The following MCEE variants were observed in gnomAD, a reference collection of about 807,000 sequenced individuals.
MCEE encodes methylmalonyl-CoA epimerase, also known as methylmalonyl-CoA epimerase, mitochondrial.
In MCEE, 6 loss-of-function variants were observed where a neutral mutation model predicts 12.9. The ratio of observed to expected loss-of-function variants is 0.47; its 90% CI spans 0.26 to 0.92. The LOEUF (loss-of-function observed/expected upper bound fraction) is 0.92, where lower values mean the gene tolerates loss of function less well. MCEE is among the 40% of genes least tolerant of loss of function. MCEE has a pLI of 0.16. For missense variants in MCEE, 214 were observed against 212.1 expected (o/e 1.01, Z -0.05); for synonymous variants, 78 against 77.9 (o/e 1.00, Z -0.01).
intron 2 of MCEE, chr2:71,117,734 C>CA (rs1673021086): frequency 6.7e-6 from 1 of 150,126 alleles, no homozygotes; most frequent in African/African-American, 2.5e-5. Flanking sequence ...TGCTTTTCCC[C>CA]AGCAGCCTGC....
intron 2 of MCEE, among the ~76,000 whole-genome samples, chr2:71,118,947 C>T (rs1342015961): frequency 2.0e-5 from 3 of 149,496 alleles, no homozygotes; most frequent in Non-Finnish European, 4.4e-5. Context: ...CTGGCTTCCC[C>T]GGGGCAGGCA....
intron 2 of MCEE, among the ~76,000 whole-genome samples, chr2:71,113,947 C>A (rs187823917): frequency 8.3e-4 from 126 of 152,178 alleles, no homozygotes; most frequent in African/African-American, 2.9e-3. Context: ...ATGGTCTTCC[C>A]AAAATCAATA....
chr2:71,111,955 G>A (rs1445803382), intron 2 of MCEE, among the ~76,000 whole-genome samples: 4 of 151,024 alleles, frequency 2.6e-5, no homozygotes, highest in African/African-American at 4.8e-5. Context: ...GTTTCAGGGA[G>A]GATAAACTGA....
intron 1 of MCEE, among the ~76,000 whole-genome samples, chr2:71,126,642 G>A (rs979325598): frequency 6.6e-6 from 1 of 150,800 alleles, no homozygotes; most frequent in South Asian, 2.1e-4. Flanking sequence ...CAAGCAAACT[G>A]GGTAGAGAAC....
chr2:71,110,089 T>TC lies in MCEE; in HGVS notation c.411dup (p.Lys138GlufsTer10). The TC allele has an allele frequency of 6.2e-7, 1 of 1,613,402 alleles. No homozygotes were observed. The highest frequency in any genetic ancestry group is 1.1e-5 in the South Asian group (1 of 91,054). ...CTTAGACTGCGGATCTTCTTTTTTT[T>TC]CAAATCCATCACAGCTGCATTAATA... On this transcript the variant is annotated frameshift_variant, in exon 3 of 3. Transcript: ENST00000244217. LOFTEE classifies it high-confidence loss of function.
At chr2:71,117,770 A>G (rs1221449147) in intron 2 of MCEE, among the ~76,000 whole-genome samples, 1 of 150,064 alleles carries the variant, frequency 6.7e-6, no homozygotes, top group East Asian at 1.9e-4. Context: ...ATTACCTTGA[A>G]ATCAAATCCA....
intron 2 of MCEE, among the ~76,000 whole-genome samples, chr2:71,114,175 T>C (rs1174572493): frequency 6.6e-6 from 1 of 151,776 alleles, no homozygotes; most frequent in Non-Finnish European, 1.5e-5. Flanking sequence ...CTAAATGTGA[T>C]GTGCTAGGGG....
intron 2 of MCEE, chr2:71,110,802 C>T (rs1369048874): frequency 2.0e-5 from 3 of 152,210 alleles, no homozygotes; most frequent in Admixed American, 2.0e-4. Flanking sequence ...TCTCTCTATA[C>T]TTGACGGAGA....
rs192296685 is a variant in MCEE, at chr2:71,124,556, A to C, written c.41-13T>G. On this transcript the variant is annotated splice_polypyrimidine_tract_variant and intron_variant, in intron 1 of 2. Coordinates refer to ENST00000244217, the MANE Select transcript of MCEE (RefSeq NM_032601.4). ...CTGGAAAAAAGCCCTGAAAAATTGA[A>C]CAGCCATTGATATCCTTCTTTTGAG... 6.9e-6 allele frequency: 11 copies of C among 1,599,436 alleles called. No homozygotes were observed. The highest frequency in any genetic ancestry group is 1.3e-5 in the African/African-American group (1 of 74,770).
intron 1 of MCEE, among the ~76,000 whole-genome samples, chr2:71,125,902 G>A (rs573425151): frequency 1.3e-5 from 2 of 152,126 alleles, no homozygotes; most frequent in Non-Finnish European, 2.9e-5. Flanking sequence ...GATTACAACC[G>A]AGTACACATA....
At chr2:71,114,694 G>A (rs1209824004) in intron 2 of MCEE, among the ~76,000 whole-genome samples, 1 of 152,128 alleles carries the variant, frequency 6.6e-6, no homozygotes, top group Non-Finnish European at 1.5e-5. Context: ...TTTGACTGAA[G>A]TGCCAGAAAA....
intron 2 of MCEE, among the ~76,000 whole-genome samples, chr2:71,113,858 A>G (rs59874231): frequency 0.02 from 3,100 of 152,288 alleles, 101 homozygotes; most frequent in African/African-American, 0.071. Flanking sequence ...TGGGAGATCA[A>G]GGTTAATATC....
At chr2:71,125,979 G>A (rs1673224416) in intron 1 of MCEE, among the ~76,000 whole-genome samples, 1 of 151,680 alleles carries the variant, frequency 6.6e-6, no homozygotes, top group East Asian at 2.0e-4. Flanking sequence ...CTCCTGAGTA[G>A]CTGGAACCAT....
At chr2:71,125,211 A>ATATATATATATATATTTTTT in intron 1 of MCEE, among the ~76,000 whole-genome samples, 8 of 48,596 alleles carry the variant, frequency 1.6e-4, no homozygotes, top group African/African-American at 3.6e-4. Flanking sequence ...ATATATATAT[A>ATATATATATATATATTTTTT]TTTTTTTTTT....
chr2:71,127,358 C>T lies in MCEE; in HGVS notation c.41-2815G>A, dbSNP rs1389911271. ...ACTTTTTAGACACTGTCCCTGAATA[C>T]ATAAAGGTTTAGCTGCAAGGATCTA... is the stretch of plus-strand genomic sequence containing the variant. On this transcript the variant is annotated intron_variant, in intron 1 of 2. Transcript: ENST00000244217. Among the ~76,000 whole-genome samples, 2 of 152,162 alleles carry T rather than the reference C, an allele frequency of 1.3e-5. 1 individual carries two copies. The highest frequency in any genetic ancestry group is 2.9e-5 in the Non-Finnish European group (2 of 68,028).
intron 2 of MCEE, among the ~76,000 whole-genome samples, chr2:71,121,996 T>C (rs985009243): frequency 2.6e-5 from 4 of 152,182 alleles, no homozygotes; most frequent in Admixed American, 1.3e-4. Context: ...ATGGGCAAAT[T>C]AACTACTCTG....
At chr2:71,125,155 TTGTGTGTG>T (rs1366763573) in intron 1 of MCEE, among the ~76,000 whole-genome samples, 1 of 138,306 alleles carries the variant, frequency 7.2e-6, no homozygotes, top group Non-Finnish European at 1.6e-5. Flanking sequence ...CCCAGCTAAT[TTGTGTGTG>T]TGTGTATGTG....
At chr2:71,123,230 G>A (rs1272747941) in intron 2 of MCEE, among the ~76,000 whole-genome samples, 3 of 152,170 alleles carry the variant, frequency 2.0e-5, no homozygotes, top group African/African-American at 4.8e-5. Context: ...GGTGGCTCAC[G>A]CCTATAATCC....
Position 71,130,193 on chromosome 2 carries a change from G to A in MCEE, c.27C>T (p.Ala9=), listed in dbSNP as rs745682010. ...CCCGGTATTCACCTACGGCATTCGC[G>A]GCTGCAGCCTTCAGCACCCGCGCCA... MARVLKAA[A]ANAVGLFSRL... Residue 9 remains alanine (A), a synonymous_variant, in exon 1 of 3, where the codon GCC becomes GCT. Transcript: ENST00000244217. The A allele has an allele frequency of 1.9e-6, 3 of 1,608,686 alleles. No individual in the cohort carries two copies. Among genetic ancestry groups the A allele is most frequent in the African/African-American group, 1.3e-5 (1 of 74,994 alleles).
Sources: gnomAD v4.1 joint callset for allele counts (sites outside exome capture counted in the v4.1 genomes callset) on GRCh38, gnomAD v4.1.1 for gene constraint, MANE v1.5 for transcripts, NCBI Gene and HGNC (gene_info 2026-07-23, HGNC 2026-07-21) for gene names.